Variants in SEPTIN9 observed in about 807,000 individuals in gnomAD.
SEPTIN9 encodes septin 9.
A neutral mutation model predicts 56.6 loss-of-function variants in SEPTIN9; 13 were observed. The ratio of observed to expected loss-of-function variants is 0.23; its 90% CI spans 0.15 to 0.37. SEPTIN9 has a LOEUF of 0.37. SEPTIN9 is among the 10% of genes least tolerant of loss of function. SEPTIN9 has a pLI of 1.00. For missense variants in SEPTIN9, 650 were observed against 823.1 expected (o/e 0.79, Z 2.57); for synonymous variants, 332 against 334.1 (o/e 0.99, Z 0.07).
rs139382450 is a variant in SEPTIN9, at chr17:77,285,766, A to G, written c.19+4212A>G. ...GCACCAGCCACGATTAAAAAGCTCT[A>G]TGCTGTCGTGACTTCTGAGTCCTGG... On this transcript the variant is annotated intron_variant, in intron 1 of 11. Transcript: ENST00000427177. 3.9e-3 allele frequency among the ~76,000 whole-genome samples: 599 copies of G among 152,268 alleles called. 1 individual carries two copies. Among genetic ancestry groups the G allele is most frequent in the African/African-American group, 0.014 (574 of 41,558 alleles).
intron 2 of SEPTIN9, among the ~76,000 whole-genome samples, chr17:77,368,492 A>C (rs1255630475): frequency 6.6e-6 from 1 of 152,032 alleles, no homozygotes; most frequent in Non-Finnish European, 1.5e-5. Flanking sequence ...TTGTATTTTT[A>C]GTAGAGACAG....
intron 10 of SEPTIN9, among the ~76,000 whole-genome samples, chr17:77,496,536 G>A (rs1425883468): frequency 5.3e-5 from 8 of 152,150 alleles, no homozygotes; most frequent in Non-Finnish European, 1.2e-4. Flanking sequence ...GCCAGGCACC[G>A]CGTGTTCATA....
At position 77,317,908 on chromosome 17, in the gene SEPTIN9, G is replaced by A. The variant is rs911987304; in HGVS notation, c.76+10711G>A. On this transcript the variant is annotated intron_variant, in intron 2 of 11. Transcript: ENST00000427177. This position sits in a 1 kb window ranked among gnomAD's most constrained non-coding sequence, Gnocchi z 4.2. Reference sequence around the variant, plus strand: ...TCTACTAAAAATACAAAAATTAGCCGGACACGGTGGCAGGCGTCTGTAGTC... The same window carrying A: ...TCTACTAAAAATACAAAAATTAGCCAGACACGGTGGCAGGCGTCTGTAGTC... 3.3e-5 allele frequency among the ~76,000 whole-genome samples: 5 copies of A among 151,978 alleles called. No homozygotes were observed. The South Asian group carries it at 6.2e-4, about 19-fold the overall frequency.
chr17:77,426,234 C>T (rs1355027327), intron 3 of SEPTIN9, among the ~76,000 whole-genome samples: 2 of 152,056 alleles, frequency 1.3e-5, no homozygotes, highest in African/African-American at 4.8e-5. Flanking sequence ...GACCGCCTGT[C>T]CTACACAGTC....
intron 10 of SEPTIN9, among the ~76,000 whole-genome samples, chr17:77,496,723 G>A (rs983921391): frequency 6.6e-6 from 1 of 152,246 alleles, no homozygotes; most frequent in Non-Finnish European, 1.5e-5. Flanking sequence ...GCAATGTTTA[G>A]CATTGCTGAT....
At chr17:77,415,637 A>AAG (rs1194725905) in intron 3 of SEPTIN9, among the ~76,000 whole-genome samples, 1 of 122,002 alleles carries the variant, frequency 8.2e-6, no homozygotes, top group African/African-American at 3.1e-5. Context: ...CAAAAAAAAA[A>AAG]AAAAAAAGAA....
At chr17:77,290,374 C>G (rs1035496587) in intron 1 of SEPTIN9, among the ~76,000 whole-genome samples, 8 of 151,666 alleles carry the variant, frequency 5.3e-5, no homozygotes, top group Non-Finnish European at 1.0e-4. Context: ...TCTCCTGCCT[C>G]AGCATCCCGC....
chr17:77,320,399 G>T (rs542039627), intron 2 of SEPTIN9: 23 of 1,506,938 alleles, frequency 1.5e-5, no homozygotes, highest in South Asian at 1.0e-4. Flanking sequence ...CCCTGGACTC[G>T]GGGCTTTATT....
Position 77,445,140 on chromosome 17 carries a change from A to G in SEPTIN9, c.722-37004A>G. 2.1e-6 allele frequency: 1 copy of G among 468,748 alleles called. No individual in the cohort carries two copies. Among genetic ancestry groups the G allele is most frequent in the South Asian group, 1.6e-5 (1 of 64,440 alleles). 29.0% of individuals were successfully genotyped at this position (468,748 alleles called of 1,614,324 possible). A position where few individuals can be genotyped will look rare whatever the true frequency, so the allele number is the denominator to read the frequency against. ...CTACTCAGGGTTTCCCCAGCCTGCC[A>G]ACCCAAGGGTGGCAGGAGCTGTGGG... On this transcript the variant is annotated intron_variant, in intron 3 of 11. Transcript: ENST00000427177. The surrounding 1 kb of genome is among the most constrained non-coding windows in gnomAD (Gnocchi z 4.7).
intron 3 of SEPTIN9, among the ~76,000 whole-genome samples, chr17:77,479,795 T>G (rs2143175147): frequency 6.7e-6 from 1 of 148,868 alleles, no homozygotes; most frequent in Non-Finnish European, 1.5e-5. Flanking sequence ...TGGGGGCGGG[T>G]AGGGGCTGGT....
Position 77,450,507 on chromosome 17 carries a change from C to T in SEPTIN9, c.722-31637C>T. ...GCGCTCTCTCCTAGTGTGGGAGTGGCCACGCCCCTGCTGGGAGTGACTCAC... is the reference window on the plus strand; with the variant it reads ...GCGCTCTCTCCTAGTGTGGGAGTGGTCACGCCCCTGCTGGGAGTGACTCAC... On this transcript the variant is annotated intron_variant, in intron 3 of 11. Transcript: ENST00000427177. The surrounding 1 kb of genome is among the most constrained non-coding windows in gnomAD (Gnocchi z 6.0). The T allele has an allele frequency of 1.0e-6, 1 of 985,426 alleles. No homozygotes were observed. Among genetic ancestry groups the T allele is most frequent in the Non-Finnish European group, 1.2e-6 (1 of 829,960 alleles). 61.0% of individuals were successfully genotyped at this position (985,426 alleles called of 1,614,324 possible).
rs1237871273 is a variant in SEPTIN9 at position 77,436,202 on chromosome 17, G to A, written c.721+33499G>A. 2.6e-5 allele frequency among the ~76,000 whole-genome samples: 4 copies of A among 152,104 alleles called. No individual in the cohort carries two copies. The highest frequency in any genetic ancestry group is 7.2e-5 in the African/African-American group (3 of 41,404). On this transcript the variant is annotated intron_variant, in intron 3 of 11. Transcript: ENST00000427177. The surrounding 1 kb of genome is among the most constrained non-coding windows in gnomAD (Gnocchi z 4.4). ...GTTAATGGTGGATCCCATTTCCTCA[G>A]CCCCCTCTCCAGCTTTCCCAGGGAA...
intron 3 of SEPTIN9, among the ~76,000 whole-genome samples, chr17:77,414,366 C>T (rs1172560156): frequency 6.6e-6 from 1 of 152,190 alleles, no homozygotes; most frequent in Non-Finnish European, 1.5e-5. Flanking sequence ...TGAGTCACCG[C>T]GTGGCCCAAT....
At chr17:77,373,511 C>T in intron 2 of SEPTIN9, 1 of 1,541,356 alleles carries the variant, frequency 6.5e-7, no homozygotes, top group Non-Finnish European at 8.8e-7. Flanking sequence ...TCGGACCCCG[C>T]GGTCAACGCG....
At chr17:77,349,053 A>G (rs144167945) in intron 2 of SEPTIN9, among the ~76,000 whole-genome samples, 4 of 151,054 alleles carry the variant, frequency 2.6e-5, no homozygotes, top group African/African-American at 9.7e-5. Context: ...TTTCATTTTC[A>G]CTTATCTGCA....
At chr17:77,297,034 A>G (rs1170523946) in intron 1 of SEPTIN9, among the ~76,000 whole-genome samples, 2 of 152,200 alleles carry the variant, frequency 1.3e-5, no homozygotes, top group African/African-American at 4.8e-5. Flanking sequence ...GGGTGGGTAG[A>G]TAGGCAGATA....
At chr17:77,382,965 G>A (rs575910684) in intron 2 of SEPTIN9, among the ~76,000 whole-genome samples, 19 of 152,238 alleles carry the variant, frequency 1.2e-4, no homozygotes, top group Admixed American at 7.2e-4. Context: ...GGCACAGAAC[G>A]GAGACCCTGG....
chr17:77,468,339 G>A (rs1011054874), intron 3 of SEPTIN9, among the ~76,000 whole-genome samples: 9 of 150,580 alleles, frequency 6.0e-5, no homozygotes, highest in African/African-American at 2.0e-4. Flanking sequence ...GGGAAAACAA[G>A]TGGGAGTTCT....
intron 4 of SEPTIN9, among the ~76,000 whole-genome samples, chr17:77,485,518 ATGG>A (rs2039739583): frequency 2.0e-5 from 3 of 151,418 alleles, no homozygotes; most frequent in Non-Finnish European, 4.4e-5. Flanking sequence ...GCTGATGGGG[ATGG>A]TGGTGATGAT....
Sources: allele counts gnomAD v4.1 joint callset (sites outside exome capture counted in the v4.1 genomes callset), GRCh38; gene constraint gnomAD v4.1.1; non-coding constraint Gnocchi (gnomAD v3.1); transcripts MANE v1.5; gene names NCBI Gene and HGNC (gene_info 2026-07-23, HGNC 2026-07-21).